USP18: variants seen among roughly 807,000 people sequenced by gnomAD.
The protein encoded by USP18 is ubl carboxyl-terminal hydrolase 18.
A neutral mutation model predicts 48.7 loss-of-function variants in USP18; 11 were observed. That is an observed-to-expected ratio of 0.23 (90% confidence interval 0.14 to 0.37). USP18 has a LOEUF of 0.37. Ranked by LOEUF, USP18 falls within the 10% of genes least tolerant of loss-of-function variation. The probability of loss-of-function intolerance (pLI) is 1.00; values close to 1 mark genes in which losing one functional copy is unlikely to be tolerated. For synonymous variants in USP18, 114 were observed against 163.2 expected, an observed-to-expected ratio of 0.70 and a Z score of 2.30; for missense variants, 285 against 436.4, an observed-to-expected ratio of 0.65 and a Z score of 3.09.
In USP18 at chr22:18,175,466, A is replaced by G. The variant is rs551574001; in HGVS notation, c.1074-1306A>G. 6.1e-3 allele frequency among the ~76,000 whole-genome samples: 872 copies of G among 143,216 alleles called. 7 individuals carry two copies. The highest frequency in any genetic ancestry group is 0.024 in the African/African-American group (798 of 33,054). The allele number at this position is 143,216 out of a possible 152,430, so 94.0% of individuals were successfully genotyped here. A position where few individuals can be genotyped will look rare whatever the true frequency, so the allele number is the denominator to read the frequency against. ...TCTGAACATCCATCTTAGACACCCA[A>G]TCTTTGTCACTTTGTGGTTGTCATT... On this transcript the variant is annotated intron_variant, in intron 10 of 10. Coordinates refer to ENST00000215794, the MANE Select transcript of USP18 (RefSeq NM_017414.4).
chr22:18,174,432 A>G (rs1182376239), intron 10 of USP18, among the ~76,000 whole-genome samples: 8 of 151,692 alleles, frequency 5.3e-5, no homozygotes, highest in African/African-American at 9.7e-5. Context: ...GTGTTTCACC[A>G]TGTTGGCCAG....
At position 18,153,996 on chromosome 22, in the gene USP18, G is replaced by A. The variant is rs561178494; in HGVS notation, c.-106-3562G>A. Among the ~76,000 whole-genome samples, 314 of 151,394 alleles carry A rather than the reference G, an allele frequency of 2.1e-3. 1 individual carries two copies. Among genetic ancestry groups the A allele is most frequent in the African/African-American group, 6.9e-3 (282 of 41,162 alleles). On this transcript the variant is annotated intron_variant, in intron 1 of 10. Coordinates refer to ENST00000215794, the MANE Select transcript of USP18 (RefSeq NM_017414.4). ...GACACTTAGGTTGATTCCGTATCTC[G>A]GGTATTATGAGCAGTGCTGCAGTAA...
In USP18 at chr22:18,169,796, G is replaced by C. The variant is rs373000170; in HGVS notation, c.628-48G>C. The C allele has an allele frequency of 6.5e-6, 10 of 1,543,042 alleles. No homozygotes were observed. The African/African-American group carries it at 1.2e-4, about 19-fold the overall frequency. On this transcript the variant is annotated intron_variant, in intron 6 of 10. Coordinates refer to ENST00000215794, the MANE Select transcript of USP18 (RefSeq NM_017414.4). The stretch of plus-strand genomic sequence containing the variant: ...AGAACAGATGAATATAGTATTCTAG[G>C]TGGGAAATACCAACGCTGCTTTTTC...
intron 2 of USP18, 115 bp downstream of exon 2, chr22:18,157,935 G>C: frequency 7.1e-7 from 1 of 1,403,180 alleles, no homozygotes; most frequent in South Asian, 1.4e-5. Context: ...TCCTGTGCCT[G>C]AGTTTCTGCA....
At chr22:18,175,149 G>A (rs1222823220) in intron 10 of USP18, among the ~76,000 whole-genome samples, 2 of 152,098 alleles carry the variant, frequency 1.3e-5, no homozygotes, top group Non-Finnish European at 2.9e-5. Context: ...TCCTGACCTC[G>A]TGATCCGCCC....
At chr22:18,156,930 T>A (rs1929168940) in intron 1 of USP18, among the ~76,000 whole-genome samples, 1 of 150,878 alleles carries the variant, frequency 6.6e-6, no homozygotes, top group Non-Finnish European at 1.5e-5. Flanking sequence ...AAACAGTGTC[T>A]CTCTTCACAC....
At chr22:18,151,038 T>C (rs1300632933) in intron 1 of USP18, among the ~76,000 whole-genome samples, 1 of 152,238 alleles carries the variant, frequency 6.6e-6, no homozygotes, top group African/African-American at 2.4e-5. Flanking sequence ...CAGTTTTTAC[T>C]GGCACAGATA....
rs189727526 is a variant in USP18 at position 18,154,325 on chromosome 22, G to A, written c.-106-3233G>A. Among the ~76,000 whole-genome samples the A allele has an allele frequency of 2.0e-5, 3 of 152,106 alleles. No individual in the cohort carries two copies. The East Asian group carries it at 5.8e-4, about 29-fold the overall frequency. ...ATCTCAGTTTTCTCATCTGTCAAAT[G>A]GAAATATAACAGTAATTAATTCACA... is the stretch of plus-strand genomic sequence containing the variant. On this transcript the variant is annotated intron_variant, in intron 1 of 10. Coordinates refer to ENST00000215794, the MANE Select transcript of USP18 (RefSeq NM_017414.4).
chr22:18,154,422 G>A (rs1929074804), intron 1 of USP18, among the ~76,000 whole-genome samples: 2 of 152,212 alleles, frequency 1.3e-5, no homozygotes, highest in South Asian at 4.1e-4. Context: ...GTGCTTCGAT[G>A]TTACCCATTA....
intron 6 of USP18, among the ~76,000 whole-genome samples, chr22:18,168,689 A>G (rs565757052): frequency 8.5e-5 from 13 of 152,060 alleles, no homozygotes; most frequent in African/African-American, 2.2e-4. Context: ...GCCCTCCCCA[A>G]TTATCTCTCA....
chr22:18,169,815 C>A (rs914606071), intron 6 of USP18, 29 bp from the exon 7 acceptor site: 4 of 1,556,572 alleles, frequency 2.6e-6, no homozygotes, highest in Middle Eastern at 1.7e-4. Context: ...ACCAACGCTG[C>A]TTTTTCCCTG....
At chr22:18,156,983 C>T (rs1032945084) in intron 1 of USP18, among the ~76,000 whole-genome samples, 2 of 152,216 alleles carry the variant, frequency 1.3e-5, no homozygotes, top group Non-Finnish European at 2.9e-5. Context: ...ACCCCTATGG[C>T]CACTGAGGCT....
chr22:18,173,934 C>T (rs1028785991), intron 10 of USP18, 92 bp downstream of exon 10: 10 of 1,502,116 alleles, frequency 6.7e-6, no homozygotes, highest in African/African-American at 1.4e-5. Flanking sequence ...CTGTTACTAA[C>T]ATGCTGATGG....
intron 1 of USP18, among the ~76,000 whole-genome samples, chr22:18,157,075 C>T (rs1187780481): frequency 3.9e-5 from 6 of 152,236 alleles, no homozygotes; most frequent in African/African-American, 1.2e-4. Context: ...CGACAGGTAG[C>T]TACAGCCTGC....
chr22:18,161,955 G>C lies in USP18; in HGVS notation c.400+20G>C. ...TGCCCTGTAAGATACCCTCCCACTG[G>C]GCTCCTGGCTGCTGATCCAAAGGGG... On this transcript the variant is annotated intron_variant, in intron 4 of 10. Coordinates refer to ENST00000215794, the MANE Select transcript of USP18 (RefSeq NM_017414.4). 6.3e-7 allele frequency: 1 copy of C among 1,596,074 alleles called. No individual in the cohort carries two copies. Among genetic ancestry groups the C allele is most frequent in the Non-Finnish European group, 8.5e-7 (1 of 1,170,146 alleles).
At chr22:18,171,032 T>G in intron 8 of USP18, 112 bp downstream of exon 8, 1 of 440,874 alleles carries the variant, frequency 2.3e-6, no homozygotes, top group Non-Finnish European at 3.8e-6. Context: ...CCTCAGAGAC[T>G]GTCCCCAGCC....
intron 2 of USP18, among the ~76,000 whole-genome samples, chr22:18,159,850 T>C (rs1034883310): frequency 1.3e-5 from 2 of 152,090 alleles, no homozygotes; most frequent in Non-Finnish European, 2.9e-5. Flanking sequence ...TAATTTTTTT[T>C]GCATTTTTAG....
At chr22:18,158,807 G>T (rs1929238953) in intron 2 of USP18, among the ~76,000 whole-genome samples, 1 of 152,120 alleles carries the variant, frequency 6.6e-6, no homozygotes, top group Non-Finnish European at 1.5e-5. Flanking sequence ...CCTCTCCGCT[G>T]GACTCCAACA....
Position 18,173,270 on chromosome 22 carries a change from A to G in USP18, c.1012A>G (p.Asn338Asp), listed in dbSNP as rs1929688554. ...AAAATGGTTCTGCTTCAATGACTCC[A>G]ATATTTGCTTGGTAAGAAACATCAT... Reference protein sequence around the residue: ...DGKWFCFNDSNICLVSWEDIQ... With the variant: ...DGKWFCFNDSDICLVSWEDIQ... The change falls in exon 9 of 11, where the codon AAT (asparagine) becomes GAT (aspartate). Residue 338 changes from asparagine to aspartate, a missense_variant. Physicochemically the swap from Asn to Asp is conservative, Grantham distance 23. Coordinates refer to ENST00000215794, the MANE Select transcript of USP18 (RefSeq NM_017414.4). 6.4e-7 allele frequency: 1 copy of G among 1,572,112 alleles called. No homozygotes were observed. The highest frequency in any genetic ancestry group is 1.4e-5 in the African/African-American group (1 of 73,434).
Sources: allele counts gnomAD v4.1 joint callset (sites outside exome capture counted in the v4.1 genomes callset), GRCh38; gene constraint gnomAD v4.1.1; transcripts MANE v1.5; gene names NCBI Gene and HGNC (gene_info 2026-07-23, HGNC 2026-07-21).